JMJD1C: variants seen among roughly 807,000 people sequenced by gnomAD.
JMJD1C encodes jumonji domain containing 1C, also known as jumonji domain-containing protein 1C.
A neutral mutation model predicts 245.3 loss-of-function variants in JMJD1C; 31 were observed. That is an observed-to-expected ratio of 0.13 (90% CI 0.09 to 0.17). The LOEUF is 0.17. Ranked by LOEUF, JMJD1C falls within the 10% of genes least tolerant of loss-of-function variation. The pLI, the probability that JMJD1C is intolerant of heterozygous loss-of-function variation, is 1.00. For missense variants in JMJD1C, 2,691 were observed against 3,000.2 expected, an observed-to-expected ratio of 0.90 and a Z score of 2.41; for synonymous variants, 1,057 against 1,017.4, an observed-to-expected ratio of 1.04 and a Z score of -0.74.
chr10:63,377,673 T>TGCA (rs1240235604), intron 2 of JMJD1C, among the ~76,000 whole-genome samples: 5 of 151,932 alleles, frequency 3.3e-5, no homozygotes, highest in African/African-American at 1.2e-4. Flanking sequence ...AGGCAGAGGT[T>TGCA]GCAGTGAGAC....
chr10:63,366,219 C>T (rs1284082371), intron 2 of JMJD1C, among the ~76,000 whole-genome samples: 1 of 152,080 alleles, frequency 6.6e-6, no homozygotes, highest in East Asian at 1.9e-4. Flanking sequence ...GATCAAATCC[C>T]AATACAAACA....
Position 63,433,550 on chromosome 10 carries a change from C to G in JMJD1C, c.168+31945G>C, listed in dbSNP as rs1001707754. On this transcript the variant is annotated intron_variant, in intron 1 of 25. Coordinates refer to ENST00000399262, the MANE Select transcript of JMJD1C (RefSeq NM_032776.3). Reference sequence around the variant, plus strand: ...CCTCAATGACAATTTTCAAACTCTACTGGGCAAGAAACAATGTACTCTTTT... The same window carrying G: ...CCTCAATGACAATTTTCAAACTCTAGTGGGCAAGAAACAATGTACTCTTTT... Among the ~76,000 whole-genome samples, 5 of 150,974 alleles carry G rather than the reference C, an allele frequency of 3.3e-5. No homozygotes were observed. In the Admixed American group the frequency reaches 3.3e-4, roughly 10 times the overall value.
At chr10:63,334,015 A>C (rs1256079785) in intron 2 of JMJD1C, among the ~76,000 whole-genome samples, 2 of 152,178 alleles carry the variant, frequency 1.3e-5, no homozygotes, top group Admixed American at 1.3e-4. Context: ...ATAAAAAGAA[A>C]GTAAGTAACA....
chr10:63,183,985 T>C (rs1843792112), intron 21 of JMJD1C, among the ~76,000 whole-genome samples: 2 of 152,190 alleles, frequency 1.3e-5, no homozygotes, highest in Admixed American at 1.3e-4. Flanking sequence ...TGGAGTGCAG[T>C]GGCATGATCT....
At position 63,419,992 on chromosome 10, in the gene JMJD1C, C is replaced by T. The variant is rs571464707; in HGVS notation, c.169-39510G>A. ...CTCTATTAAAAATACAATAATTAGCCGGGCATGATGGCGCGCGCCTGGAGT... is the reference window on the plus strand; with the variant it reads ...CTCTATTAAAAATACAATAATTAGCTGGGCATGATGGCGCGCGCCTGGAGT... On this transcript the variant is annotated intron_variant, in intron 1 of 25. Coordinates refer to ENST00000399262, the MANE Select transcript of JMJD1C (RefSeq NM_032776.3). Among the ~76,000 whole-genome samples the T allele has an allele frequency of 4.0e-5, 6 of 151,826 alleles. No individual in the cohort carries two copies. In the South Asian group the frequency reaches 6.3e-4, roughly 16 times the overall value.
chr10:63,389,331 A>AG (rs1000629617), intron 1 of JMJD1C, among the ~76,000 whole-genome samples: 7 of 150,184 alleles, frequency 4.7e-5, no homozygotes, highest in East Asian at 1.9e-4. Context: ...AAAAAAAAGA[A>AG]AAAGAAAAAA....
At chr10:63,228,476 T>C (rs1046691785) in intron 3 of JMJD1C, among the ~76,000 whole-genome samples, 1 of 152,108 alleles carries the variant, frequency 6.6e-6, no homozygotes, top group Non-Finnish European at 1.5e-5. Flanking sequence ...ATGATCACTG[T>C]AGTCACTGTA....
rs57860875 is a variant in JMJD1C at position 63,284,857 on chromosome 10, T to TCA, written c.334-20095_334-20094dup. On this transcript the variant is annotated intron_variant, in intron 2 of 25. Coordinates refer to ENST00000399262, the MANE Select transcript of JMJD1C (RefSeq NM_032776.3). ...GATGCCATTCCCTGGCAGGGAAGATTCACACACACACACACACACACACAC... is the reference window on the plus strand; with the variant it reads ...GATGCCATTCCCTGGCAGGGAAGATTCACACACACACACACACACACACACAC... Among the ~76,000 whole-genome samples, 819 of 135,446 alleles carry TCA rather than the reference T, an allele frequency of 6.0e-3. 2 individuals are homozygous for TCA. Among genetic ancestry groups the TCA allele is most frequent in the African/African-American group, 0.012 (425 of 35,580 alleles). The allele number at this position is 135,446 out of a possible 152,430, so 88.9% of individuals were successfully genotyped here.
intron 10 of JMJD1C, chr10:63,203,568 T>C (rs1212358359): frequency 2.1e-6 from 2 of 957,456 alleles, no homozygotes; most frequent in African/African-American, 3.5e-5. Flanking sequence ...TTGAATATAG[T>C]GGCAATTTCA....
intron 16 of JMJD1C, among the ~76,000 whole-genome samples, chr10:63,191,510 A>G (rs1844796237): frequency 6.6e-6 from 1 of 152,222 alleles, no homozygotes; most frequent in South Asian, 2.1e-4. Context: ...ACTGTGAGAT[A>G]AAAACTGAAG....
intron 23 of JMJD1C, chr10:63,177,317 T>C: frequency 4.3e-6 from 1 of 229,964 alleles, no homozygotes; most frequent in African/African-American, 2.4e-5. Flanking sequence ...ATTCCCTAGG[T>C]CAGCAGCCAA....
At chr10:63,437,269 T>C (rs947856332) in intron 1 of JMJD1C, among the ~76,000 whole-genome samples, 4 of 152,192 alleles carry the variant, frequency 2.6e-5, no homozygotes, top group African/African-American at 9.7e-5. Context: ...AATTTCCTTA[T>C]TTCATTCAAT....
At chr10:63,254,772 G>C (rs1853621942) in intron 3 of JMJD1C, among the ~76,000 whole-genome samples, 1 of 152,000 alleles carries the variant, frequency 6.6e-6, no homozygotes, top group Admixed American at 6.6e-5. Flanking sequence ...CTGGTCTCGA[G>C]CTCCTGAGCT....
chr10:63,177,463 A>G (rs1842964082), intron 23 of JMJD1C: 1 of 446,690 alleles, frequency 2.2e-6, no homozygotes, highest in Non-Finnish European at 4.0e-6. Flanking sequence ...AGAACAGATC[A>G]GTCTTTTATT....
intron 2 of JMJD1C, among the ~76,000 whole-genome samples, chr10:63,366,441 T>C (rs764597651): frequency 3.3e-5 from 5 of 152,196 alleles, no homozygotes; most frequent in Admixed American, 6.5e-5. Flanking sequence ...TAACAAACTA[T>C]AGCCATGAAT....
At chr10:63,376,476 TA>T (rs1401957175) in intron 2 of JMJD1C, among the ~76,000 whole-genome samples, 1 of 151,832 alleles carries the variant, frequency 6.6e-6, no homozygotes, top group Non-Finnish European at 1.5e-5. Flanking sequence ...GCTAACACAG[TA>T]AAAAGGCAAC....
rs1286191181 is a variant in JMJD1C, at chr10:63,204,953, TCA to T, written c.5074+1640_5074+1641del. Reference sequence around the variant, plus strand: ...GAAAGTACTTTGAGTGTCCACATTGTCACAGATATTTCATATATTGTATGTGG... The same window carrying T: ...GAAAGTACTTTGAGTGTCCACATTGTCAGATATTTCATATATTGTATGTGG... On this transcript the variant is annotated intron_variant, in intron 10 of 25. Coordinates refer to ENST00000399262, the MANE Select transcript of JMJD1C (RefSeq NM_032776.3). The T allele has an allele frequency of 5.1e-6, 5 of 985,182 alleles. No homozygotes were observed. In the South Asian group the frequency reaches 1.4e-4, roughly 28 times the overall value. The allele number at this position is 985,182 out of a possible 1,614,324, so 61.0% of individuals were successfully genotyped here.
intron 24 of JMJD1C, among the ~76,000 whole-genome samples, chr10:63,174,571 T>C (rs10995453): frequency 0.68 from 102,701 of 151,792 alleles, 36,468 homozygotes; most frequent in Non-Finnish European, 0.79. Context: ...TGGTGGCTCA[T>C]GCCTGTAATC....
At chr10:63,279,003 A>G (rs569469302) in intron 2 of JMJD1C, among the ~76,000 whole-genome samples, 34 of 152,024 alleles carry the variant, frequency 2.2e-4, no homozygotes, top group Non-Finnish European at 4.3e-4. Context: ...TAATCCCAAC[A>G]CTTTGGGAGG....
Sources: allele counts gnomAD v4.1 joint callset (sites outside exome capture counted in the v4.1 genomes callset), GRCh38; gene constraint gnomAD v4.1.1; transcripts MANE v1.5; gene names NCBI Gene and HGNC (gene_info 2026-07-23, HGNC 2026-07-21).